CLN8: variants seen among roughly 807,000 people sequenced by gnomAD.
CLN8 encodes the protein protein CLN8.
Under a neutral mutation model 15.7 loss-of-function variants are expected in CLN8, and 14 were observed. The observed-to-expected ratio is 0.89, with a 90% confidence interval of 0.59 to 1.39. The LOEUF is 1.39. CLN8 is among the 40% of genes most tolerant of loss of function. The probability of loss-of-function intolerance (pLI) is 0.00; values close to 1 mark genes in which losing one functional copy is unlikely to be tolerated. For synonymous variants in CLN8, 188 were observed against 151.0 expected (o/e 1.25, Z -1.80); for missense variants, 415 against 364.0 (o/e 1.14, Z -1.14).
At chr8:1,772,620 G>A (rs997235217) in intron 2 of CLN8, among the ~76,000 whole-genome samples, 5 of 150,442 alleles carry the variant, frequency 3.3e-5, no homozygotes, top group Non-Finnish European at 7.4e-5. Flanking sequence ...ACCACGCCTA[G>A]CTAATTTGTG....
chr8:1,758,422 T>C (rs1257191459), intron 1 of CLN8: 1 of 152,214 alleles, frequency 6.6e-6, no homozygotes, highest in Non-Finnish European at 1.5e-5. Context: ...TCCTAAGAAC[T>C]GCTGCATAAG....
chr8:1,769,072 G>T (rs1403108118), intron 1 of CLN8, among the ~76,000 whole-genome samples: 3 of 152,186 alleles, frequency 2.0e-5, no homozygotes, highest in Admixed American at 6.5e-5. Context: ...ATGAGTACCA[G>T]TGCTGTCTTT....
At chr8:1,760,504 T>C (rs1337063300), upstream of CLN8, 1 of 152,194 alleles carries the variant, frequency 6.6e-6, no homozygotes, top group Non-Finnish European at 1.5e-5. Context: ...GATGGTTTTT[T>C]AGAAAACAAA....
chr8:1,765,148 AGGT>A (rs1164918793), intron 1 of CLN8: 2 of 152,186 alleles, frequency 1.3e-5, no homozygotes, highest in Non-Finnish European at 2.9e-5. Context: ...CAGGTTCTCT[AGGT>A]GGCCTCAGAG....
intron 2 of CLN8, among the ~76,000 whole-genome samples, chr8:1,775,538 T>C (rs577450487): frequency 8.5e-5 from 13 of 152,350 alleles, no homozygotes; most frequent in African/African-American, 3.1e-4. Context: ...TTCTCAAGCT[T>C]TGAGTTTTCT....
intron 1 of CLN8, chr8:1,764,443 C>G (rs567412683): frequency 3.9e-5 from 6 of 152,336 alleles, no homozygotes; most frequent in Non-Finnish European, 8.8e-5. Flanking sequence ...CCTGTGTGCC[C>G]ACGAGGCGGG....
In CLN8 at chr8:1,782,599, A is replaced by G. The variant is rs1365856979; in HGVS notation, c.*2032A>G. Reference sequence around the variant, plus strand: ...TTTAACTGGAAACCTCACACCTGGCAGGCAGCACTCTCTGCAGCCGTGCCC... The same window carrying G: ...TTTAACTGGAAACCTCACACCTGGCGGGCAGCACTCTCTGCAGCCGTGCCC... On this transcript the variant is annotated 3_prime_UTR_variant, in exon 3 of 3. Transcript: ENST00000331222. 1 of 152,232 alleles carries G rather than the reference A, an allele frequency of 6.6e-6. No individual in the cohort carries two copies. The highest frequency in any genetic ancestry group is 2.4e-5 in the African/African-American group (1 of 41,458). 9.4% of individuals were successfully genotyped at this position (152,232 alleles called of 1,614,324 possible). A position where few individuals can be genotyped will look rare whatever the true frequency, so the allele number is the denominator to read the frequency against.
chr8:1,771,487 G>T lies in CLN8; in HGVS notation c.433G>T (p.Gly145Trp), dbSNP rs753439965. 6.2e-7 allele frequency: 1 copy of T among 1,614,158 alleles called. No homozygotes were observed. The highest frequency in any genetic ancestry group is 1.1e-5 in the South Asian group (1 of 91,082). ...LVIHHLFAFL[G>W]FLGCLVNLQA... ...TATCCACCATCTCTTTGCCTTTCTT[G>T]GGTTTCTTGGCTGCTTGGTCAATCT... The change falls in exon 2 of 3, where the codon GGG becomes TGG. Residue 145 changes from glycine (G) to tryptophan (W), a missense_variant. Gly to Trp is a radical substitution (Grantham distance 184). Coordinates refer to ENST00000331222, the MANE Select transcript of CLN8 (RefSeq NM_018941.4).
At chr8:1,761,164 C>G (rs953595668), upstream of CLN8, among the ~76,000 whole-genome samples, 1 of 151,492 alleles carries the variant, frequency 6.6e-6, no homozygotes, top group Non-Finnish European at 1.5e-5. Flanking sequence ...GGATTACAGG[C>G]TACTGTAACT....
intron 2 of CLN8, chr8:1,772,982 C>G (rs570390163): frequency 2.5e-6 from 1 of 398,524 alleles, no homozygotes; most frequent in East Asian, 3.6e-5. Context: ...CCTTCGGGGT[C>G]GAGGTGGGTA....
At chr8:1,777,525 T>G (rs979023470) in intron 2 of CLN8, among the ~76,000 whole-genome samples, 3 of 152,244 alleles carry the variant, frequency 2.0e-5, no homozygotes, top group Non-Finnish European at 2.9e-5. Context: ...TCCACTCTTT[T>G]GTAATAACAC....
At chr8:1,762,859 G>A (rs947161868), upstream of CLN8, 2 of 152,348 alleles carry the variant, frequency 1.3e-5, no homozygotes, top group African/African-American at 2.4e-5. Context: ...TCGATCGCAT[G>A]CTATCGGTTC....
upstream of CLN8, among the ~76,000 whole-genome samples, chr8:1,753,367 T>C (rs1261049614): frequency 2.0e-5 from 3 of 151,948 alleles, no homozygotes; most frequent in African/African-American, 7.3e-5. Flanking sequence ...GATCAGGAGT[T>C]CGAGACCAGC....
At chr8:1,761,545 G>A (rs1413364845), upstream of CLN8, among the ~76,000 whole-genome samples, 1 of 152,194 alleles carries the variant, frequency 6.6e-6, no homozygotes, top group African/African-American at 2.4e-5. Flanking sequence ...GGCTGGTCTT[G>A]AACTTCTGAC....
intron 1 of CLN8, among the ~76,000 whole-genome samples, chr8:1,770,583 A>T (rs1471079241): frequency 6.6e-6 from 1 of 152,110 alleles, no homozygotes; most frequent in Non-Finnish European, 1.5e-5. Flanking sequence ...CAGTGTAATG[A>T]CTTAAATATG....
Position 1,780,733 on chromosome 8 carries a change from A to C in CLN8, c.*166A>C. 1 of 665,726 alleles carries C rather than the reference A, an allele frequency of 1.5e-6. No homozygotes were observed. Among genetic ancestry groups the C allele is most frequent in the Admixed American group, 2.9e-5 (1 of 34,046 alleles). The allele number at this position is 665,726 out of a possible 1,614,324, so 41.2% of individuals were successfully genotyped here. A position where few individuals can be genotyped will look rare whatever the true frequency, so the allele number is the denominator to read the frequency against. On this transcript the variant is annotated 3_prime_UTR_variant, in exon 3 of 3. Transcript: ENST00000331222. ...TAGTATTAATTTTGAAGTAGCTACA[A>C]AGTATTTTTAAGAAATTATAATTTT... is the stretch of plus-strand genomic sequence containing the variant.
At position 1,783,800 on chromosome 8, in the gene CLN8, C is replaced by T. The variant is rs1554452505; in HGVS notation, c.*3233C>T. 1 of 152,186 alleles carries T rather than the reference C, an allele frequency of 6.6e-6. No homozygotes were observed. The highest frequency in any genetic ancestry group is 1.5e-5 in the Non-Finnish European group (1 of 68,052). The allele number at this position is 152,186 out of a possible 1,614,324, so 9.4% of individuals were successfully genotyped here. ...TGGGCACTGTTGATTCCACTTCTGTCGAGGAGCTTCGGGGCTCAGAGAGGT... is the reference window on the plus strand; with the variant it reads ...TGGGCACTGTTGATTCCACTTCTGTTGAGGAGCTTCGGGGCTCAGAGAGGT... On this transcript the variant is annotated 3_prime_UTR_variant, in exon 3 of 3. Coordinates refer to ENST00000331222, the MANE Select transcript of CLN8 (RefSeq NM_018941.4).
At chr8:1,758,975 C>T (rs1189096500), upstream of CLN8, 1 of 152,186 alleles carries the variant, frequency 6.6e-6, no homozygotes, top group Non-Finnish European at 1.5e-5. Flanking sequence ...TGTGGGGCCC[C>T]TTCAAAATAT....
chr8:1,763,023 C>CT (rs1463532725), upstream of CLN8: 2 of 152,244 alleles, frequency 1.3e-5, no homozygotes, highest in African/African-American at 4.8e-5. Flanking sequence ...GAATAACAAC[C>CT]TTAGCAAACT....
Sources: gnomAD v4.1 joint callset for allele counts (sites outside exome capture counted in the v4.1 genomes callset) on GRCh38, gnomAD v4.1.1 for gene constraint, MANE v1.5 for transcripts, NCBI Gene and HGNC (gene_info 2026-07-23, HGNC 2026-07-21) for gene names.